STAT4: variants seen among roughly 807,000 people sequenced by gnomAD.
STAT4 encodes the protein signal transducer and activator of transcription 4.
Under a neutral mutation model 110.5 loss-of-function variants are expected in STAT4, and 42 were observed. The ratio of observed to expected loss-of-function variants is 0.38; its 90% CI spans 0.30 to 0.49. The LOEUF (loss-of-function observed/expected upper bound fraction) is 0.49. STAT4 is among the 20% of genes least tolerant of loss of function. STAT4 has a pLI of 0.95. For synonymous variants in STAT4, 284 were observed against 302.2 expected (o/e 0.94, Z 0.63); for missense variants, 632 against 887.9 (o/e 0.71, Z 3.66).
intron 3 of STAT4, among the ~76,000 whole-genome samples, chr2:191,120,987 C>T (rs1246560895): frequency 6.6e-6 from 1 of 152,284 alleles, no homozygotes; most frequent in East Asian, 1.9e-4. Context: ...AACAGGCAAC[C>T]TACAGAGTGG....
chr2:191,079,871 T>C (rs1029163179), intron 3 of STAT4, among the ~76,000 whole-genome samples: 9 of 152,156 alleles, frequency 5.9e-5, no homozygotes, highest in Non-Finnish European at 8.8e-5. Flanking sequence ...ATCTTGTAAA[T>C]GTTTCATGTG....
chr2:191,033,565 C>T lies in STAT4; in HGVS notation c.1777G>A (p.Gly593Ser). 1 of 1,614,032 alleles carries T rather than the reference C, an allele frequency of 6.2e-7. No homozygotes were observed. The highest frequency in any genetic ancestry group is 8.5e-7 in the Non-Finnish European group (1 of 1,179,978). Reference protein sequence around the residue: ...ERLLLKDKMPGTFLLRFSESH... With the variant: ...ERLLLKDKMPSTFLLRFSESH... The stretch of plus-strand genomic sequence containing the variant: ...TCACTGAATCTTAATAAAAAGGTGC[C>T]AGGCATTTTATCCTTTAGCAACAGC... The change falls in exon 20 of 24, where the codon GGC (glycine) becomes AGC (serine). Residue 593 changes from glycine (G) to serine (S), a missense_variant. By Grantham distance (56) the Gly-to-Ser change is moderately conservative. Coordinates refer to ENST00000392320, the MANE Select transcript of STAT4 (RefSeq NM_003151.4). The surrounding 1 kb of genome is among the most constrained non-coding windows in gnomAD (Gnocchi z 6.9).
intron 3 of STAT4, among the ~76,000 whole-genome samples, chr2:191,101,726 G>C (rs7568275): frequency 0.77 from 116,492 of 151,824 alleles, 44,865 homozygotes; most frequent in African/African-American, 0.8. Flanking sequence ...TTTATATGTT[G>C]AGTTAATATT....
intron 8 of STAT4, among the ~76,000 whole-genome samples, chr2:191,063,568 C>A (rs751129094): frequency 6.6e-6 from 1 of 152,104 alleles, no homozygotes; most frequent in African/African-American, 2.4e-5. Flanking sequence ...GAAATGGACA[C>A]GGAAGGGACT....
chr2:191,107,075 C>T lies in STAT4; in HGVS notation c.274-30750G>A, dbSNP rs942463298. ...CAAGTACTCTACACATTAATGTCAG[C>T]AGTAGAAACGTATGGTTGCGTGAAA... On this transcript the variant is annotated intron_variant, in intron 3 of 23. Coordinates refer to ENST00000392320, the MANE Select transcript of STAT4 (RefSeq NM_003151.4). The surrounding 1 kb of genome is among the most constrained non-coding windows in gnomAD (Gnocchi z 4.2). Among the ~76,000 whole-genome samples, 2 of 152,116 alleles carry T rather than the reference C, an allele frequency of 1.3e-5. No homozygotes were observed. The highest frequency in any genetic ancestry group is 1.3e-4 in the Admixed American group (2 of 15,278).
At position 191,064,755 on chromosome 2, in the gene STAT4, A is replaced by G. The variant is rs112986738; in HGVS notation, c.782+52T>C. Reference sequence around the variant, plus strand: ...GCGTTCTCTGGCTGAGTGACACTGAAGTTTTGTGTTTCCTGTGGTTTTCAC... The same window carrying G: ...GCGTTCTCTGGCTGAGTGACACTGAGGTTTTGTGTTTCCTGTGGTTTTCAC... On this transcript the variant is annotated intron_variant, in intron 8 of 23. Coordinates refer to ENST00000392320, the MANE Select transcript of STAT4 (RefSeq NM_003151.4). 22 of 1,578,114 alleles carry G rather than the reference A, an allele frequency of 1.4e-5. No homozygotes were observed. In the African/African-American group the frequency reaches 1.5e-4, roughly 11 times the overall value.
intron 3 of STAT4, among the ~76,000 whole-genome samples, chr2:191,132,786 G>A (rs1408689891): frequency 3.5e-5 from 5 of 142,034 alleles, no homozygotes; most frequent in South Asian, 2.2e-4. Context: ...ACGGAGTCTC[G>A]CTCTGTCGCC....
intron 3 of STAT4, among the ~76,000 whole-genome samples, chr2:191,105,023 G>C (rs557514850): frequency 5.3e-5 from 8 of 152,278 alleles, no homozygotes. Flanking sequence ...ATTCATCACA[G>C]GTTCTGTGGA....
At chr2:191,092,496 T>C (rs1361405226) in intron 3 of STAT4, among the ~76,000 whole-genome samples, 3 of 151,164 alleles carry the variant, frequency 2.0e-5, no homozygotes, top group South Asian at 4.2e-4. Context: ...TGGTCCATAG[T>C]GTGAATGTGC....
rs1470493329 is a variant in STAT4, at chr2:191,090,068, T to C, written c.274-13743A>G. ...ATTATGGGACTTTAGTTAATAATAA[T>C]ATAATATTGTAATAATATAAAATTG... On this transcript the variant is annotated intron_variant, in intron 3 of 23. Transcript: ENST00000392320. This position sits in a 1 kb window ranked among gnomAD's most constrained non-coding sequence, Gnocchi z 4.2. Among the ~76,000 whole-genome samples the C allele has an allele frequency of 6.6e-6, 1 of 152,092 alleles. No individual in the cohort carries two copies. Among genetic ancestry groups the C allele is most frequent in the Admixed American group, 6.6e-5 (1 of 15,266 alleles).
At chr2:191,105,008 T>C (rs1421964298) in intron 3 of STAT4, among the ~76,000 whole-genome samples, 1 of 152,336 alleles carries the variant, frequency 6.6e-6, no homozygotes, top group Admixed American at 6.5e-5. Context: ...CCCAAGGCTT[T>C]TTAGATTCAT....
At chr2:191,034,335 A>T (rs1242421338) in intron 18 of STAT4, among the ~76,000 whole-genome samples, 1 of 151,730 alleles carries the variant, frequency 6.6e-6, no homozygotes, top group Non-Finnish European at 1.5e-5. Context: ...AGGCAGGAGA[A>T]TGGCATGAAC....
At chr2:191,088,617 T>G (rs762103208) in intron 3 of STAT4, among the ~76,000 whole-genome samples, 4 of 152,124 alleles carry the variant, frequency 2.6e-5, no homozygotes, top group Admixed American at 2.0e-4. Context: ...AAGAGCCAGA[T>G]AGCAATGACA....
At chr2:191,074,882 C>G (rs536159266) in intron 4 of STAT4, among the ~76,000 whole-genome samples, 2 of 152,102 alleles carry the variant, frequency 1.3e-5, no homozygotes, top group African/African-American at 4.8e-5. Context: ...TACTTTTGGC[C>G]GGGGGCGGTG....
chr2:191,057,581 C>CTTTTT (rs56816363), intron 13 of STAT4, among the ~76,000 whole-genome samples: 133 of 120,966 alleles, frequency 1.1e-3, no homozygotes, highest in Non-Finnish European at 1.3e-3. Flanking sequence ...AATTTCTTTT[C>CTTTTT]TTTTTTTTTT....
intron 3 of STAT4, among the ~76,000 whole-genome samples, chr2:191,122,601 C>T (rs1214097293): frequency 6.6e-6 from 1 of 152,112 alleles, no homozygotes; most frequent in Non-Finnish European, 1.5e-5. Context: ...TGGAAATAGT[C>T]TAAGTATCCA....
chr2:191,042,357 A>G lies in STAT4; in HGVS notation c.1252-1209T>C, dbSNP rs963148864. Among the ~76,000 whole-genome samples the G allele has an allele frequency of 6.6e-6, 1 of 152,242 alleles. No homozygotes were observed. Among genetic ancestry groups the G allele is most frequent in the African/African-American group, 2.4e-5 (1 of 41,470 alleles). ...TAAATAAATAAAAGAATAAAAAAAC[A>G]GTGAAAAAAGTCTACTGTATTCAGC... On this transcript the variant is annotated intron_variant, in intron 14 of 23. Coordinates refer to ENST00000392320, the MANE Select transcript of STAT4 (RefSeq NM_003151.4). This position sits in a 1 kb window ranked among gnomAD's most constrained non-coding sequence, Gnocchi z 4.2.
chr2:191,060,038 A>C lies in STAT4; in HGVS notation c.1035-1269T>G, dbSNP rs574225932. 1.1e-4 allele frequency among the ~76,000 whole-genome samples: 16 copies of C among 152,290 alleles called. No individual in the cohort carries two copies. In the East Asian group the frequency reaches 2.9e-3, roughly 28 times the overall value. ...GGGGTTTTAGGAAAACCTTGAGTAA[A>C]GGATCACCTATCAAGATGGTGGGGA... On this transcript the variant is annotated intron_variant, in intron 10 of 23. Coordinates refer to ENST00000392320, the MANE Select transcript of STAT4 (RefSeq NM_003151.4). This position sits in a 1 kb window ranked among gnomAD's most constrained non-coding sequence, Gnocchi z 4.5.
At chr2:191,094,983 A>C (rs1697926410) in intron 3 of STAT4, among the ~76,000 whole-genome samples, 2 of 151,914 alleles carry the variant, frequency 1.3e-5, no homozygotes, top group South Asian at 2.1e-4. Flanking sequence ...ACTTCAAATC[A>C]ACAAAGATCA....
Sources: allele counts gnomAD v4.1 joint callset (sites outside exome capture counted in the v4.1 genomes callset), GRCh38; gene constraint gnomAD v4.1.1; non-coding constraint Gnocchi (gnomAD v3.1); transcripts MANE v1.5; gene names NCBI Gene and HGNC (gene_info 2026-07-23, HGNC 2026-07-21).